NCALD: variants seen among roughly 807,000 people sequenced by gnomAD.
The protein encoded by NCALD is neurocalcin-delta.
Under a neutral mutation model 18.6 loss-of-function variants are expected in NCALD, and 10 were observed. The observed-to-expected ratio is 0.54, with a 90% CI of 0.33 to 0.91. NCALD has a LOEUF of 0.91. NCALD is among the 40% of genes least tolerant of loss of function. The probability of loss-of-function intolerance (pLI) is 0.03; values close to 1 mark genes in which losing one functional copy is unlikely to be tolerated. For synonymous variants in NCALD, 88 were observed against 87.4 expected (o/e 1.01, Z -0.04); for missense variants, 184 against 247.6 (o/e 0.74, Z 1.72).
intron 2 of NCALD, among the ~76,000 whole-genome samples, chr8:101,701,598 G>A (rs1815270431): frequency 6.6e-6 from 1 of 152,198 alleles, no homozygotes; most frequent in African/African-American, 2.4e-5. Context: ...ATGTTGGAAA[G>A]AGAGGACTCA....
chr8:102,121,840 G>A (rs1825954014), intron 1 of NCALD, among the ~76,000 whole-genome samples: 1 of 152,138 alleles, frequency 6.6e-6, no homozygotes, highest in South Asian at 2.1e-4. Context: ...TATTTCCCAA[G>A]GTTTTTTATC....
At chr8:101,803,204 G>A (rs1412569441) in intron 4 of NCALD, among the ~76,000 whole-genome samples, 2 of 152,092 alleles carry the variant, frequency 1.3e-5, no homozygotes, top group Non-Finnish European at 2.9e-5. Flanking sequence ...AAAATTGTAG[G>A]GCTCTTAAGA....
chr8:101,961,653 G>A (rs1819840678), intron 2 of NCALD, among the ~76,000 whole-genome samples: 1 of 152,020 alleles, frequency 6.6e-6, no homozygotes, highest in Non-Finnish European at 1.5e-5. Flanking sequence ...TGGTCTTGAA[G>A]TCCTGACCTC....
intron 1 of NCALD, among the ~76,000 whole-genome samples, chr8:101,725,309 T>C (rs1336562740): frequency 1.3e-5 from 2 of 152,118 alleles, no homozygotes; most frequent in African/African-American, 2.4e-5. Context: ...TGGATAGACA[T>C]GGCTTAACTT....
At chr8:102,061,713 A>T (rs1298639768) in intron 1 of NCALD, among the ~76,000 whole-genome samples, 1 of 152,190 alleles carries the variant, frequency 6.6e-6, no homozygotes, top group Non-Finnish European at 1.5e-5. Context: ...TTCCCTTCCC[A>T]GGACTGTGTT....
chr8:102,085,310 G>A (rs766958476), intron 1 of NCALD, among the ~76,000 whole-genome samples: 6 of 152,076 alleles, frequency 3.9e-5, no homozygotes, highest in Admixed American at 2.0e-4. Flanking sequence ...ATTGCCAAAC[G>A]TCTTATTTGT....
In NCALD at chr8:101,930,112, G is replaced by A. The variant is rs544600442; in HGVS notation, c.-156-14254C>T. ...TGCTTACAAAATTAGATACAAATAT[G>A]AGTATTTTTTAAAATGAGAAAATTA... On this transcript the variant is annotated intron_variant, in intron 2 of 6. Coordinates refer to the NCALD transcript ENST00000311028. Among the ~76,000 whole-genome samples, 10 of 152,122 alleles carry A rather than the reference G, an allele frequency of 6.6e-5. No homozygotes were observed. The East Asian group carries it at 1.9e-3, about 29-fold the overall frequency.
intron 2 of NCALD, among the ~76,000 whole-genome samples, chr8:101,696,266 C>A (rs893215677): frequency 2.6e-5 from 4 of 152,190 alleles, no homozygotes; most frequent in African/African-American, 9.7e-5. Context: ...TTGACCTAAT[C>A]CTTTCCCTCA....
chr8:101,824,285 G>A (rs1410498858), intron 4 of NCALD, among the ~76,000 whole-genome samples: 1 of 152,038 alleles, frequency 6.6e-6, no homozygotes, highest in Non-Finnish European at 1.5e-5. Flanking sequence ...TTTTGTACCA[G>A]GGTCCTGATG....
chr8:101,720,683 T>C (rs1323559480), intron 1 of NCALD, among the ~76,000 whole-genome samples: 1 of 152,212 alleles, frequency 6.6e-6, no homozygotes, highest in Non-Finnish European at 1.5e-5. Context: ...ACTTTTATAT[T>C]TAAAGCTACT....
chr8:101,839,048 C>G (rs1814531347), intron 4 of NCALD, among the ~76,000 whole-genome samples: 1 of 152,222 alleles, frequency 6.6e-6, no homozygotes, highest in Non-Finnish European at 1.5e-5. Context: ...GAGCTTAACA[C>G]AATACATTTT....
At chr8:101,801,439 T>C (rs1050958132) in intron 4 of NCALD, among the ~76,000 whole-genome samples, 5 of 151,840 alleles carry the variant, frequency 3.3e-5, no homozygotes, top group African/African-American at 4.8e-5. Flanking sequence ...TTCACCAAAA[T>C]TGGCTACATG....
chr8:102,002,809 A>T (rs2132032878), intron 2 of NCALD, among the ~76,000 whole-genome samples: 1 of 152,356 alleles, frequency 6.6e-6, no homozygotes, highest in African/African-American at 2.4e-5. Context: ...GGCAGAAATA[A>T]AGATGTTCTT....
At chr8:102,057,287 T>C (rs879490497) in intron 1 of NCALD, among the ~76,000 whole-genome samples, 40 of 79,020 alleles carry the variant, frequency 5.1e-4, no homozygotes, top group South Asian at 4.1e-3. Flanking sequence ...CACACACACA[T>C]ATGTACATAT....
intron 4 of NCALD, among the ~76,000 whole-genome samples, chr8:101,808,905 C>CAGAGAG (rs146283686): frequency 1.3e-5 from 2 of 151,350 alleles, no homozygotes; most frequent in East Asian, 3.9e-4. Context: ...GGGAGAGAGA[C>CAGAGAG]AGAGAGAGAG....
intron 3 of NCALD, chr8:101,690,445 C>G (rs530819627): frequency 1.0e-6 from 1 of 985,346 alleles, no homozygotes; most frequent in African/African-American, 1.7e-5. Context: ...GCCTGCCTGG[C>G]TCTGCACGCC....
intron 4 of NCALD, among the ~76,000 whole-genome samples, chr8:101,856,969 A>C (rs1252913043): frequency 6.6e-6 from 1 of 152,126 alleles, no homozygotes; most frequent in Non-Finnish European, 1.5e-5. Flanking sequence ...TTCCAGTGTA[A>C]ATACACTCAC....
At chr8:102,003,031 G>A (rs1821538437) in intron 2 of NCALD, among the ~76,000 whole-genome samples, 1 of 152,056 alleles carries the variant, frequency 6.6e-6, no homozygotes, top group Non-Finnish European at 1.5e-5. Flanking sequence ...TAAGATCAGA[G>A]CAGAACTGAA....
At chr8:102,045,731 A>G (rs550338621) in intron 1 of NCALD, among the ~76,000 whole-genome samples, 1 of 152,286 alleles carries the variant, frequency 6.6e-6, no homozygotes, top group South Asian at 2.1e-4. Context: ...TTATAACACA[A>G]TATTTTCCCT....
Sources: allele counts gnomAD v4.1 joint callset (sites outside exome capture counted in the v4.1 genomes callset), GRCh38; gene constraint gnomAD v4.1.1; transcripts MANE v1.5; gene names NCBI Gene and HGNC (gene_info 2026-07-23, HGNC 2026-07-21).